The following PHACTR2 variants were observed in gnomAD, a reference collection of about 807,000 sequenced individuals.
PHACTR2 encodes the protein chromosome 6 open reading frame 56.
A neutral mutation model predicts 76.0 loss-of-function variants in PHACTR2; 30 were observed. That is an observed-to-expected ratio of 0.39 (90% CI 0.30 to 0.54). PHACTR2 has a LOEUF of 0.54. Ranked by LOEUF, PHACTR2 falls within the 20% of genes least tolerant of loss-of-function variation. The pLI is 0.61. For missense variants in PHACTR2, 696 were observed against 781.1 expected, an observed-to-expected ratio of 0.89 and a Z score of 1.30; for synonymous variants, 292 against 292.5, an observed-to-expected ratio of 1.00 and a Z score of 0.02.
In PHACTR2 at chr6:143,816,462, T is replaced by G. The variant is rs1776297641; in HGVS notation, c.1923-7212T>G. Reference sequence around the variant, plus strand: ...GGAAAATATATGGCTTTTGTTTTCCTTCTGGTTGTTACTTTTTACCGAATC... The same window carrying G: ...GGAAAATATATGGCTTTTGTTTTCCGTCTGGTTGTTACTTTTTACCGAATC... On this transcript the variant is annotated intron_variant, in intron 12 of 12. Transcript: ENST00000440869. This position sits in a 1 kb window ranked among gnomAD's most constrained non-coding sequence, Gnocchi z 4.5. Among the ~76,000 whole-genome samples the G allele has an allele frequency of 6.6e-6, 1 of 152,196 alleles. No homozygotes were observed. Among genetic ancestry groups the G allele is most frequent in the Non-Finnish European group, 1.5e-5 (1 of 68,042 alleles).
At chr6:143,773,152 G>T (rs556453478) in intron 7 of PHACTR2, among the ~76,000 whole-genome samples, 167 of 152,256 alleles carry the variant, frequency 1.1e-3, no homozygotes, top group African/African-American at 3.9e-3. Context: ...GGCAGAAGTT[G>T]CACTGAGCTG....
At position 143,777,197 on chromosome 6, in the gene PHACTR2, T is replaced by A. The variant is rs1582870364; in HGVS notation, c.1590-131T>A. ...TCTCCAAACTAATGGGAAGGAGACTTTTATTTTGCAGCTTTAAAAATGGAT... is the reference window on the plus strand; with the variant it reads ...TCTCCAAACTAATGGGAAGGAGACTATTATTTTGCAGCTTTAAAAATGGAT... On this transcript the variant is annotated intron_variant, in intron 8 of 12. Coordinates refer to ENST00000440869, the MANE Select transcript of PHACTR2 (RefSeq NM_001100164.2). The surrounding 1 kb of genome is among the most constrained non-coding windows in gnomAD (Gnocchi z 4.6). 2 of 558,120 alleles carry A rather than the reference T, an allele frequency of 3.6e-6. No homozygotes were observed. Among genetic ancestry groups the A allele is most frequent in the East Asian group, 6.2e-5 (2 of 32,168 alleles). The allele number at this position is 558,120 out of a possible 1,614,324, so 34.6% of individuals were successfully genotyped here.
chr6:143,748,045 T>G (rs769380011), intron 2 of PHACTR2, among the ~76,000 whole-genome samples: 2 of 152,084 alleles, frequency 1.3e-5, no homozygotes, highest in Non-Finnish European at 2.9e-5. Flanking sequence ...TGGCTTTACA[T>G]GTCTGTGAAA....
At position 143,680,623 on chromosome 6, in the gene PHACTR2, G is replaced by A. The variant is rs1356789235; in HGVS notation, c.46+2414G>A. Among the ~76,000 whole-genome samples the A allele has an allele frequency of 6.6e-6, 1 of 152,106 alleles. No individual in the cohort carries two copies. The highest frequency in any genetic ancestry group is 6.5e-5 in the Admixed American group (1 of 15,282). On this transcript the variant is annotated intron_variant, in intron 1 of 12. Transcript: ENST00000440869. This position sits in a 1 kb window ranked among gnomAD's most constrained non-coding sequence, Gnocchi z 4.5. Reference sequence around the variant, plus strand: ...TAATAATTTTTTCTGAAAATATGCAGTTAGATCCATTATTAAAAAGAACAG... The same window carrying A: ...TAATAATTTTTTCTGAAAATATGCAATTAGATCCATTATTAAAAAGAACAG...
In PHACTR2 at chr6:143,543,194, G is replaced by A. The variant is rs1457325684; in HGVS notation, c.217+5987G>A. 6.6e-6 allele frequency among the ~76,000 whole-genome samples: 1 copy of A among 152,224 alleles called. No homozygotes were observed. The highest frequency in any genetic ancestry group is 1.5e-5 in the Non-Finnish European group (1 of 68,048). On this transcript the variant is annotated intron_variant, in intron 1 of 11. Coordinates refer to the PHACTR2 transcript ENST00000367584. This position sits in a 1 kb window ranked among gnomAD's most constrained non-coding sequence, Gnocchi z 4.7. ...TTCTTGTTTTCAGAGGATGCATGAA[G>A]AGCTAATTTACTTAAACTAGTTAAG... is the stretch of plus-strand genomic sequence containing the variant.
In PHACTR2 at chr6:143,820,760, C is replaced by A. The variant is rs2128487067; in HGVS notation, c.1923-2914C>A. Among the ~76,000 whole-genome samples the A allele has an allele frequency of 6.6e-6, 1 of 152,334 alleles. No homozygotes were observed. Among genetic ancestry groups the A allele is most frequent in the Middle Eastern group, 3.4e-3 (1 of 294 alleles). ...CCACTAGGCAATGCCCCAGCAGAGA[C>A]CCTTTGTGGAATCCCCAACTCCTCA... On this transcript the variant is annotated intron_variant, in intron 12 of 12. Coordinates refer to ENST00000440869, the MANE Select transcript of PHACTR2 (RefSeq NM_001100164.2). This position sits in a 1 kb window ranked among gnomAD's most constrained non-coding sequence, Gnocchi z 4.2.
chr6:143,705,293 ATTTT>A (rs142316800), intron 1 of PHACTR2, among the ~76,000 whole-genome samples: 2 of 107,910 alleles, frequency 1.9e-5, no homozygotes, highest in African/African-American at 3.7e-5. Flanking sequence ...TAATTTTTGC[ATTTT>A]TTTTTTTTTT....
chr6:143,681,196 A>C (rs1777381587), intron 1 of PHACTR2, among the ~76,000 whole-genome samples: 1 of 152,164 alleles, frequency 6.6e-6, no homozygotes, highest in South Asian at 2.1e-4. Flanking sequence ...GTTTCCAAAG[A>C]AGTTAGACCA....
chr6:143,733,452 C>T lies in PHACTR2; in HGVS notation c.215-15533C>T, dbSNP rs893671950. 6.6e-6 allele frequency among the ~76,000 whole-genome samples: 1 copy of T among 152,082 alleles called. No individual in the cohort carries two copies. The highest frequency in any genetic ancestry group is 2.4e-5 in the African/African-American group (1 of 41,412). On this transcript the variant is annotated intron_variant, in intron 2 of 12. Transcript: ENST00000440869. This position sits in a 1 kb window ranked among gnomAD's most constrained non-coding sequence, Gnocchi z 4.0. ...AATGAATGAATGGCTCTTGATGGAC[C>T]TTATCCCATCCTATATATGGAGCAT...
At chr6:143,638,665 A>T (rs116646248) in intron 1 of PHACTR2, among the ~76,000 whole-genome samples, 1,557 of 152,198 alleles carry the variant, frequency 0.01, 22 homozygotes, top group African/African-American at 0.036. Flanking sequence ...CCAAATGTAT[A>T]TTTGCTTAAG....
chr6:143,543,247 C>A lies in PHACTR2; in HGVS notation c.217+6040C>A, dbSNP rs768524219. Among the ~76,000 whole-genome samples the A allele has an allele frequency of 2.6e-5, 4 of 152,254 alleles. No individual in the cohort carries two copies. The highest frequency in any genetic ancestry group is 4.4e-5 in the Non-Finnish European group (3 of 68,036). ...CTAGTTTGTGTCAGTACCTCAGTGG[C>A]AGCTCTGAGACAGATATTAAAGCCG... is the stretch of plus-strand genomic sequence containing the variant. On this transcript the variant is annotated intron_variant, in intron 1 of 11. Coordinates refer to the PHACTR2 transcript ENST00000367584. This position sits in a 1 kb window ranked among gnomAD's most constrained non-coding sequence, Gnocchi z 4.7.
At chr6:143,631,456 A>G (rs927583659) in intron 1 of PHACTR2, among the ~76,000 whole-genome samples, 2 of 152,044 alleles carry the variant, frequency 1.3e-5, no homozygotes, top group African/African-American at 2.4e-5. Context: ...GGCCTCCTAA[A>G]GTGTTGGGAT....
At position 143,541,410 on chromosome 6, in the gene PHACTR2, G is replaced by C. The variant is rs1781169825; in HGVS notation, c.217+4203G>C. The stretch of plus-strand genomic sequence containing the variant: ...TCTGGACCTGTGTGGGCTATAGGGA[G>C]GACCAAAAGATGTTTTTATTTTCAT... On this transcript the variant is annotated intron_variant, in intron 1 of 11. Coordinates refer to the PHACTR2 transcript ENST00000367584. The surrounding 1 kb of genome is among the most constrained non-coding windows in gnomAD (Gnocchi z 5.3). Among the ~76,000 whole-genome samples the C allele has an allele frequency of 6.6e-6, 1 of 152,152 alleles. No homozygotes were observed. The highest frequency in any genetic ancestry group is 2.1e-4 in the South Asian group (1 of 4,820).
intron 1 of PHACTR2, among the ~76,000 whole-genome samples, chr6:143,645,171 G>T (rs567874496): frequency 6.6e-6 from 1 of 151,988 alleles, no homozygotes; most frequent in Non-Finnish European, 1.5e-5. Flanking sequence ...AAAAGAAGTC[G>T]TTATACAAAA....
intron 1 of PHACTR2, among the ~76,000 whole-genome samples, chr6:143,632,464 G>T (rs990528072): frequency 6.6e-6 from 1 of 152,082 alleles, no homozygotes; most frequent in African/African-American, 2.4e-5. Flanking sequence ...AGGAGTTTTA[G>T]GTTTACAGCA....
chr6:143,601,462 GGGCTAA>G (rs1775814098), intron 1 of PHACTR2, among the ~76,000 whole-genome samples: 1 of 152,098 alleles, frequency 6.6e-6, no homozygotes, highest in Non-Finnish European at 1.5e-5. Flanking sequence ...GTACAATGCT[GGGCTAA>G]GGCACACTAG....
chr6:143,803,089 G>C lies in PHACTR2; in HGVS notation c.1846-3968G>C, dbSNP rs1023610376. 3.3e-5 allele frequency among the ~76,000 whole-genome samples: 5 copies of C among 152,134 alleles called. No individual in the cohort carries two copies. The highest frequency in any genetic ancestry group is 7.3e-5 in the Non-Finnish European group (5 of 68,036). On this transcript the variant is annotated intron_variant, in intron 11 of 12. Transcript: ENST00000440869. The surrounding 1 kb of genome is among the most constrained non-coding windows in gnomAD (Gnocchi z 4.7). ...GCCCAGAAGCTCATATTAATGGAAA[G>C]ACTGTAGGATGTGAGGTTAAAAGGC...
rs2128488091 is a variant in PHACTR2, at chr6:143,825,202, G to A, written c.*1513G>A. ...AAATAGAGTTTATTTTATTCTCAGAGTTTGGACTACAATTTTCTAAGATGT... is the reference window on the plus strand; with the variant it reads ...AAATAGAGTTTATTTTATTCTCAGAATTTGGACTACAATTTTCTAAGATGT... On this transcript the variant is annotated 3_prime_UTR_variant, in exon 13 of 13. Coordinates refer to ENST00000440869, the MANE Select transcript of PHACTR2 (RefSeq NM_001100164.2). This position sits in a 1 kb window ranked among gnomAD's most constrained non-coding sequence, Gnocchi z 4.1. 2 of 152,402 alleles carry A rather than the reference G, an allele frequency of 1.3e-5. No homozygotes were observed. Among genetic ancestry groups the A allele is most frequent in the East Asian group, 3.9e-4 (2 of 5,188 alleles). The allele number at this position is 152,402 out of a possible 1,614,324, so 9.4% of individuals were successfully genotyped here. A position where few individuals can be genotyped will look rare whatever the true frequency, so the allele number is the denominator to read the frequency against.
rs902128836 is a variant in PHACTR2, at chr6:143,671,547, T to C, written c.14-40469T>C. 5.9e-5 allele frequency among the ~76,000 whole-genome samples: 9 copies of C among 152,222 alleles called. 1 individual carries two copies. Among genetic ancestry groups the C allele is most frequent in the Non-Finnish European group, 1.2e-4 (8 of 68,040 alleles). On this transcript the variant is annotated intron_variant, in intron 1 of 11. Coordinates refer to the PHACTR2 transcript ENST00000305766. This position sits in a 1 kb window ranked among gnomAD's most constrained non-coding sequence, Gnocchi z 4.6. Reference sequence around the variant, plus strand: ...TTCATAGCACTTTTCATCTTCTAAATTGTTATAAAGTTTACTGATTTATTA... The same window carrying C: ...TTCATAGCACTTTTCATCTTCTAAACTGTTATAAAGTTTACTGATTTATTA...
Sources: allele counts gnomAD v4.1 joint callset (sites outside exome capture counted in the v4.1 genomes callset), GRCh38; gene constraint gnomAD v4.1.1; non-coding constraint Gnocchi (gnomAD v3.1); transcripts MANE v1.5; gene names NCBI Gene and HGNC (gene_info 2026-07-23, HGNC 2026-07-21).